Variants in EXOC4 observed in about 807,000 individuals in gnomAD.
EXOC4 encodes the protein SEC8-like 1.
EXOC4 carries 71 observed loss-of-function variants against 107.2 expected under a neutral mutation model. That is an observed-to-expected ratio of 0.66 (90% CI 0.55 to 0.81). The LOEUF is 0.81. Ranked by LOEUF, EXOC4 falls within the 30% of genes least tolerant of loss-of-function variation. EXOC4 has a pLI of 0.00. For missense variants in EXOC4, 1,108 were observed against 1,189.6 expected (o/e 0.93, Z 1.01); for synonymous variants, 456 against 441.2 (o/e 1.03, Z -0.42).
chr7:133,565,010 C>T (rs1336811628), intron 9 of EXOC4, among the ~76,000 whole-genome samples: 1 of 152,052 alleles, frequency 6.6e-6, no homozygotes, highest in Non-Finnish European at 1.5e-5. Flanking sequence ...CGATAGAAAT[C>T]GAATTTGGTG....
At chr7:133,440,234 G>C (rs950527113) in intron 7 of EXOC4, among the ~76,000 whole-genome samples, 2 of 152,086 alleles carry the variant, frequency 1.3e-5, no homozygotes, top group Non-Finnish European at 2.9e-5. Context: ...CACTGGATCT[G>C]AGTCTTCCTG....
At chr7:133,353,091 A>G (rs1795947173) in intron 5 of EXOC4, among the ~76,000 whole-genome samples, 1 of 152,152 alleles carries the variant, frequency 6.6e-6, no homozygotes, top group South Asian at 2.1e-4. Flanking sequence ...CAGTAATACT[A>G]GCTTTTAGAC....
chr7:133,645,937 A>G (rs1423278603), intron 10 of EXOC4, among the ~76,000 whole-genome samples: 1 of 152,162 alleles, frequency 6.6e-6, no homozygotes, highest in Non-Finnish European at 1.5e-5. Context: ...TTATTGCTTT[A>G]TGTTAGCTGG....
In EXOC4 at chr7:133,696,480, A is replaced by G. The variant is rs559740724; in HGVS notation, c.1514+66339A>G. On this transcript the variant is annotated intron_variant, in intron 10 of 17. Coordinates refer to ENST00000253861, the MANE Select transcript of EXOC4 (RefSeq NM_021807.4). ...CCATCCTCAGAGCCAGCACATTTTC[A>G]GTTTGCACTGTAGGTTTCTGGTCCC... 2.1e-4 allele frequency among the ~76,000 whole-genome samples: 32 copies of G among 152,270 alleles called. No individual in the cohort carries two copies. The South Asian group carries it at 2.3e-3, about 11-fold the overall frequency.
At chr7:133,536,726 TGG>T (rs1307296095) in intron 9 of EXOC4, among the ~76,000 whole-genome samples, 1 of 152,030 alleles carries the variant, frequency 6.6e-6, no homozygotes, top group Non-Finnish European at 1.5e-5. Context: ...AGTGCTGGTG[TGG>T]GGACTTTGAT....
At chr7:133,610,778 C>T (rs1802058121) in intron 9 of EXOC4, among the ~76,000 whole-genome samples, 1 of 151,438 alleles carries the variant, frequency 6.6e-6, no homozygotes, top group Non-Finnish European at 1.5e-5. Context: ...AAAAATTTTA[C>T]TAAGAACTTA....
chr7:133,316,082 T>G (rs1176999074), intron 4 of EXOC4, among the ~76,000 whole-genome samples: 1 of 152,200 alleles, frequency 6.6e-6, no homozygotes, highest in African/African-American at 2.4e-5. Flanking sequence ...AGTGTGAAAT[T>G]ATCACTTGAA....
chr7:134,061,548 C>T (rs765623548), intron 17 of EXOC4, among the ~76,000 whole-genome samples: 2 of 152,148 alleles, frequency 1.3e-5, no homozygotes, highest in Non-Finnish European at 2.9e-5. Flanking sequence ...TCAAGAACTG[C>T]GAGTCTAGAA....
chr7:133,799,138 A>G (rs769019591), intron 10 of EXOC4, among the ~76,000 whole-genome samples: 8 of 152,228 alleles, frequency 5.3e-5, no homozygotes, highest in African/African-American at 1.7e-4. Context: ...GAGATGAACT[A>G]CTGTCTCTCA....
chr7:133,785,570 C>T (rs1420350420), intron 10 of EXOC4, among the ~76,000 whole-genome samples: 2 of 152,162 alleles, frequency 1.3e-5, no homozygotes, highest in Non-Finnish European at 2.9e-5. Context: ...CTCTAAATTG[C>T]CTGGCTTCTT....
At chr7:133,636,485 T>G (rs1802715223) in intron 10 of EXOC4, among the ~76,000 whole-genome samples, 1 of 152,218 alleles carries the variant, frequency 6.6e-6, no homozygotes, top group Non-Finnish European at 1.5e-5. Context: ...TTCAACTGGC[T>G]TTTAAAAGGC....
chr7:133,738,131 C>T (rs1054884560), intron 10 of EXOC4, among the ~76,000 whole-genome samples: 3 of 151,812 alleles, frequency 2.0e-5, no homozygotes, highest in African/African-American at 7.3e-5. Context: ...AGACTGGTCT[C>T]GGACCCCTGA....
At chr7:133,421,977 A>G (rs1040084714) in intron 7 of EXOC4, among the ~76,000 whole-genome samples, 3 of 152,214 alleles carry the variant, frequency 2.0e-5, no homozygotes, top group Non-Finnish European at 4.4e-5. Context: ...TACCTATAAT[A>G]CTAGGCAGAA....
At chr7:133,531,864 C>T (rs534928525) in intron 9 of EXOC4, among the ~76,000 whole-genome samples, 7 of 152,138 alleles carry the variant, frequency 4.6e-5, no homozygotes, top group Non-Finnish European at 8.8e-5. Context: ...TTGAATATCC[C>T]GTATCCAAAA....
At chr7:133,911,359 A>G (rs192734046) in intron 12 of EXOC4, among the ~76,000 whole-genome samples, 74 of 152,312 alleles carry the variant, frequency 4.9e-4, no homozygotes, top group African/African-American at 1.7e-3. Flanking sequence ...TGGACTTGCC[A>G]CTTGAGTAAA....
intron 14 of EXOC4, among the ~76,000 whole-genome samples, chr7:133,993,333 T>C (rs1794305431): frequency 6.6e-6 from 1 of 152,130 alleles, no homozygotes; most frequent in African/African-American, 2.4e-5. Context: ...ACAATTATAG[T>C]GAAAGAAAAG....
chr7:133,378,057 T>C (rs1324397886), intron 7 of EXOC4, among the ~76,000 whole-genome samples: 3 of 152,168 alleles, frequency 2.0e-5, no homozygotes, highest in Non-Finnish European at 2.9e-5. Flanking sequence ...ATGCCTGTAA[T>C]GCCAGCACTT....
chr7:133,480,121 G>A lies in EXOC4; in HGVS notation c.1400G>A (p.Arg467Gln), dbSNP rs761705485. The A allele has an allele frequency of 1.7e-5, 28 of 1,613,852 alleles. No individual in the cohort carries two copies. The highest frequency in any genetic ancestry group is 1.3e-4 in the Admixed American group (8 of 59,990). Residue 467 changes from arginine (R) to glutamine (Q), a missense_variant, in exon 9 of 18, where the codon CGG becomes CAG. Coordinates refer to ENST00000253861, the MANE Select transcript of EXOC4 (RefSeq NM_021807.4). ...LREQRRELYSRSGELQGGPDD... is the reference protein window; with the variant it reads ...LREQRRELYSQSGELQGGPDD... ...GAACAGAGAAGGGAGCTCTATAGTC[G>A]GAGTGGAGAACTGCAAGGTGAGTGA...
intron 10 of EXOC4, among the ~76,000 whole-genome samples, chr7:133,779,368 C>T (rs771174895): frequency 1.2e-4 from 18 of 151,924 alleles, no homozygotes; most frequent in South Asian, 2.1e-4. Context: ...TTGAGAAGTA[C>T]GGATTTATGA....
Sources: allele counts gnomAD v4.1 joint callset (sites outside exome capture counted in the v4.1 genomes callset), GRCh38; gene constraint gnomAD v4.1.1; transcripts MANE v1.5; gene names NCBI Gene and HGNC (gene_info 2026-07-23, HGNC 2026-07-21).